Variants in CPXM2 observed in about 807,000 individuals in gnomAD.
CPXM2 encodes the protein carboxypeptidase X, M14 family member 2, also known as inactive carboxypeptidase-like protein X2.
A neutral mutation model predicts 86.1 loss-of-function variants in CPXM2; 66 were observed. The observed-to-expected ratio is 0.77, with a 90% CI of 0.63 to 0.94. CPXM2 has a LOEUF of 0.94. CPXM2 is among the 40% of genes least tolerant of loss of function. The probability of loss-of-function intolerance (pLI) is 0.00; values close to 1 mark genes in which losing one functional copy is unlikely to be tolerated. For synonymous variants in CPXM2, 388 were observed against 400.2 expected, an observed-to-expected ratio of 0.97 and a Z score of 0.36; for missense variants, 948 against 1,026.3, an observed-to-expected ratio of 0.92 and a Z score of 1.04.
intron 4 of CPXM2, among the ~76,000 whole-genome samples, chr10:123,827,891 A>G (rs1848081034): frequency 6.6e-6 from 1 of 152,170 alleles, no homozygotes; most frequent in Non-Finnish European, 1.5e-5. Flanking sequence ...AGGGTGGGCA[A>G]GGTGGCTCAC....
rs557775576 is a variant in CPXM2, at chr10:123,885,973, G to A, written c.304+5383C>T. ...GTGTCCTCCTTTATTATCCATGCGC[G>A]AGCCCTGGTTTCTGGAACCTTGGGC... On this transcript the variant is annotated intron_variant, in intron 1 of 13. Coordinates refer to ENST00000241305, the MANE Select transcript of CPXM2 (RefSeq NM_198148.3). This position sits in a 1 kb window ranked among gnomAD's most constrained non-coding sequence, Gnocchi z 4.0. 6.6e-5 allele frequency among the ~76,000 whole-genome samples: 10 copies of A among 152,236 alleles called. No individual in the cohort carries two copies. Among genetic ancestry groups the A allele is most frequent in the African/African-American group, 1.9e-4 (8 of 41,530 alleles).
chr10:123,923,506 G>A (rs552735537), intron 2 of CPXM2, among the ~76,000 whole-genome samples: 7 of 151,250 alleles, frequency 4.6e-5, no homozygotes, highest in African/African-American at 1.2e-4. Flanking sequence ...GCGTGAACCC[G>A]GGAGGCGGAG....
chr10:123,916,357 G>T (rs1332623121), intron 2 of CPXM2, among the ~76,000 whole-genome samples: 2 of 152,128 alleles, frequency 1.3e-5, no homozygotes, highest in African/African-American at 4.8e-5. Flanking sequence ...ACTAGATAAG[G>T]CTCTGGATTG....
intron 6 of CPXM2, among the ~76,000 whole-genome samples, chr10:123,790,146 TAGAG>T (rs1285849509): frequency 1.3e-5 from 2 of 150,084 alleles, no homozygotes; most frequent in Non-Finnish European, 3.0e-5. Context: ...AAAAAATAAA[TAGAG>T]AGCAGGGGTG....
intron 2 of CPXM2, among the ~76,000 whole-genome samples, chr10:123,924,246 G>A (rs1053581329): frequency 6.6e-6 from 1 of 152,276 alleles, no homozygotes; most frequent in East Asian, 1.9e-4. Context: ...CAGATGAAGG[G>A]CTCAGTCCCA....
In CPXM2 at chr10:123,771,019, T is replaced by G; in HGVS notation, c.999A>C (p.Glu333Asp). 1 of 1,613,484 alleles carries G rather than the reference T, an allele frequency of 6.2e-7. No individual in the cohort carries two copies. Among genetic ancestry groups the G allele is most frequent in the Non-Finnish European group, 8.5e-7 (1 of 1,179,500 alleles). ...AAATTCTGGTGATATTGGGACACAT[T>G]TCATTCACAACTTTCATCAACTGAA... ...EMRQLMKVVN[E>D]MCPNITRIYN... is the part of the protein sequence containing the mutation. The change falls in exon 8 of 14, where the codon GAA becomes GAC. Residue 333 changes from glutamate (E) to aspartate (D), a missense_variant. Transcript: ENST00000241305.
chr10:123,866,059 G>A (rs116528720), intron 2 of CPXM2, among the ~76,000 whole-genome samples: 5,161 of 151,956 alleles, frequency 0.034, 283 homozygotes, highest in African/African-American at 0.11. Context: ...CTTCCCTCTC[G>A]GTCCAGACCT....
chr10:123,936,363 G>C (rs1945720605), intron 2 of CPXM2, among the ~76,000 whole-genome samples: 1 of 152,150 alleles, frequency 6.6e-6, no homozygotes, highest in Non-Finnish European at 1.5e-5. Flanking sequence ...GATAAGTCAG[G>C]AGCTGAATGA....
rs1178252348 is a variant in CPXM2 at position 123,800,034 on chromosome 10, T to TG, written c.654-836_654-835insC. Among the ~76,000 whole-genome samples the TG allele has an allele frequency of 2.0e-5, 3 of 150,704 alleles. No homozygotes were observed. In the East Asian group the frequency reaches 5.8e-4, roughly 29 times the overall value. ...GCAATTTACTAGTTTTTTGGTTTTT[T>TG]TTTTTTTTTTTTTTTTAGAAAATTC... is the stretch of plus-strand genomic sequence containing the variant. On this transcript the variant is annotated intron_variant, in intron 4 of 13. Coordinates refer to ENST00000241305, the MANE Select transcript of CPXM2 (RefSeq NM_198148.3).
chr10:123,906,410 A>G (rs1945441829), intron 2 of CPXM2, among the ~76,000 whole-genome samples: 1 of 152,180 alleles, frequency 6.6e-6, no homozygotes, highest in Admixed American at 6.5e-5. Flanking sequence ...TCACTCTCAT[A>G]GATACAGCAC....
chr10:123,889,923 T>TA (rs926671663), intron 1 of CPXM2, among the ~76,000 whole-genome samples: 14 of 150,948 alleles, frequency 9.3e-5, no homozygotes, highest in South Asian at 8.4e-4. Flanking sequence ...TGCAGGCACT[T>TA]AAAAAAAAAC....
chr10:123,888,529 G>A (rs1945214830), intron 1 of CPXM2, among the ~76,000 whole-genome samples: 1 of 152,094 alleles, frequency 6.6e-6, no homozygotes, highest in South Asian at 2.1e-4. Context: ...AGAGATAAGT[G>A]CTTCTATTAC....
chr10:123,905,468 C>A (rs761170120), intron 2 of CPXM2, among the ~76,000 whole-genome samples: 1 of 152,168 alleles, frequency 6.6e-6, no homozygotes, highest in Non-Finnish European at 1.5e-5. Flanking sequence ...CCAATCCGGG[C>A]ATTGGACAGA....
At chr10:123,911,854 T>G (rs1050919309) in intron 2 of CPXM2, among the ~76,000 whole-genome samples, 11 of 151,934 alleles carry the variant, frequency 7.2e-5, no homozygotes, top group African/African-American at 2.7e-4. Context: ...ATGTTACCAG[T>G]GGTGAATCTG....
At chr10:123,854,347 T>C (rs1848661237) in intron 3 of CPXM2, among the ~76,000 whole-genome samples, 1 of 124,754 alleles carries the variant, frequency 8.0e-6, no homozygotes, top group African/African-American at 3.4e-5. Flanking sequence ...AACAAATATA[T>C]ATATATATAT....
chr10:123,854,899 A>G (rs1008934023), intron 3 of CPXM2, among the ~76,000 whole-genome samples: 4 of 152,124 alleles, frequency 2.6e-5, no homozygotes, highest in African/African-American at 7.2e-5. Flanking sequence ...AACAGAATCT[A>G]TATCTGAACC....
At chr10:123,935,379 A>G (rs999397761) in intron 2 of CPXM2, among the ~76,000 whole-genome samples, 1 of 152,044 alleles carries the variant, frequency 6.6e-6, no homozygotes, top group South Asian at 2.1e-4. Context: ...CAATTGGGGA[A>G]CCCACCCTGG....
chr10:123,873,933 C>T (rs1263092415), intron 2 of CPXM2, among the ~76,000 whole-genome samples: 2 of 146,998 alleles, frequency 1.4e-5, no homozygotes, highest in Admixed American at 6.9e-5. Context: ...GATCTTGGCT[C>T]ACTGCAGCCT....
intron 2 of CPXM2, among the ~76,000 whole-genome samples, chr10:123,898,310 C>T (rs1484635791): frequency 1.3e-5 from 2 of 151,960 alleles, no homozygotes; most frequent in Non-Finnish European, 2.9e-5. Flanking sequence ...AATTCTAAGC[C>T]AGGCGCAATG....
Sources: allele counts gnomAD v4.1 joint callset (sites outside exome capture counted in the v4.1 genomes callset), GRCh38; gene constraint gnomAD v4.1.1; non-coding constraint Gnocchi (gnomAD v3.1); transcripts MANE v1.5; gene names NCBI Gene and HGNC (gene_info 2026-07-23, HGNC 2026-07-21).